SPAG17: variants seen among roughly 807,000 people sequenced by gnomAD.
SPAG17 encodes the protein sperm-associated antigen 17.
SPAG17 carries 169 observed loss-of-function variants against 273.6 expected under a neutral mutation model. The ratio of observed to expected loss-of-function variants is 0.62; its 90% CI spans 0.55 to 0.70. The LOEUF (loss-of-function observed/expected upper bound fraction) is 0.70. SPAG17 is among the 30% of genes least tolerant of loss of function. SPAG17 has a pLI of 0.00. For synonymous variants in SPAG17, 825 were observed against 873.2 expected, an observed-to-expected ratio of 0.94 and a Z score of 0.97; for missense variants, 2,557 against 2,627.8, an observed-to-expected ratio of 0.97 and a Z score of 0.59.
intron 4 of SPAG17, among the ~76,000 whole-genome samples, chr1:118,113,986 C>T (rs890236944): frequency 1.3e-5 from 2 of 152,122 alleles, no homozygotes; most frequent in Non-Finnish European, 2.9e-5. Context: ...AATTGACGCT[C>T]TTTAGCACAC....
intron 23 of SPAG17, among the ~76,000 whole-genome samples, chr1:118,038,154 T>C (rs1649305268): frequency 6.6e-6 from 1 of 152,114 alleles, no homozygotes; most frequent in Non-Finnish European, 1.5e-5. Flanking sequence ...AAGGAAGAGA[T>C]ACAAATGGCA....
At chr1:118,091,907 C>T (rs1421702181) in intron 9 of SPAG17, 23 bp downstream of exon 9, 16 of 1,612,734 alleles carry the variant, frequency 9.9e-6, no homozygotes, top group Non-Finnish European at 1.4e-5. Flanking sequence ...TGTTGATCCT[C>T]CAGCAGCCGA....
chr1:118,041,909 A>G lies in SPAG17; in HGVS notation c.2948T>C (p.Leu983Ser), dbSNP rs753377041. The part of the protein sequence containing the change: ...DNAEKEDSRS[L>S]KKKSPYKEKS... ...CTCCTTGTAAGGTGATTTTTTCTTCAAAGACCTACTATCCTCTTTCTCTGC... is the reference window on the plus strand; with the variant it reads ...CTCCTTGTAAGGTGATTTTTTCTTCGAAGACCTACTATCCTCTTTCTCTGC... Residue 983 changes from leucine to serine, a missense_variant, in exon 21 of 49, where the codon TTG becomes TCG. By Grantham distance (145) the Leu-to-Ser change is moderately radical. Transcript: ENST00000336338. 3.1e-6 allele frequency: 5 copies of G among 1,613,832 alleles called. No homozygotes were observed. In the East Asian group the frequency reaches 1.1e-4, roughly 36 times the overall value.
rs750399908 is a variant in SPAG17 at position 118,039,334 on chromosome 1, C to T, written c.3277G>A (p.Glu1093Lys). 6.2e-7 allele frequency: 1 copy of T among 1,613,484 alleles called. No homozygotes were observed. The highest frequency in any genetic ancestry group is 1.3e-5 in the African/African-American group (1 of 75,004). Residue 1093 changes from glutamate to lysine, a missense_variant, in exon 23 of 49, where the codon GAA (glutamate) becomes AAA (lysine). Coordinates refer to ENST00000336338, the MANE Select transcript of SPAG17 (RefSeq NM_206996.4). ...KKEEKGDYYLEEEEEGDEEQS... is the reference protein window; with the variant it reads ...KKEEKGDYYLKEEEEGDEEQS... ...TCCTCATCTCCTTCTTCTTCCTCTT[C>T]TAAATAATAATCCCCTTTCTCTTCC...
intron 1 of SPAG17, among the ~76,000 whole-genome samples, chr1:118,184,224 T>G (rs932262943): frequency 2.8e-4 from 43 of 152,212 alleles, no homozygotes; most frequent in Admixed American, 2.8e-3. Context: ...AAAATTTTTT[T>G]TCCCCACTTT....
At chr1:118,163,058 G>T (rs1156720349) in intron 1 of SPAG17, among the ~76,000 whole-genome samples, 1 of 152,150 alleles carries the variant, frequency 6.6e-6, no homozygotes, top group Non-Finnish European at 1.5e-5. Context: ...CATAGAATGG[G>T]GGTGAGGACA....
chr1:117,986,042 C>T (rs1656360873), intron 40 of SPAG17, among the ~76,000 whole-genome samples: 1 of 152,148 alleles, frequency 6.6e-6, no homozygotes, highest in Non-Finnish European at 1.5e-5. Flanking sequence ...GTAAATGTTA[C>T]TGAAGTGAAA....
At chr1:117,994,267 T>A in intron 35 of SPAG17, 139 bp downstream of exon 35, 1 of 850,564 alleles carries the variant, frequency 1.2e-6, no homozygotes. Context: ...TCTTCAAATA[T>A]AAAACTCCTT....
At chr1:118,013,223 A>T (rs1261124342) in intron 29 of SPAG17, among the ~76,000 whole-genome samples, 1 of 152,202 alleles carries the variant, frequency 6.6e-6, no homozygotes, top group Non-Finnish European at 1.5e-5. Context: ...TCTAACTCTA[A>T]GGAACATAAT....
At chr1:117,963,749 C>A in intron 48 of SPAG17, 50 bp downstream of exon 48, 1 of 1,556,258 alleles carries the variant, frequency 6.4e-7, no homozygotes, top group Non-Finnish European at 8.8e-7. Flanking sequence ...GGTCTAATAC[C>A]TCAAATTTGA....
rs1308299395 is a variant in SPAG17 at position 118,016,189 on chromosome 1, A to G, written c.4070-7T>C. ...TGACTTTTGTGACTTTTTCCTGTGA[A>G]GTTCAAGTAAAATCAAACAACAACA... is the stretch of plus-strand genomic sequence containing the variant. On this transcript the variant is annotated splice_region_variant and splice_polypyrimidine_tract_variant and intron_variant, in intron 28 of 48. Coordinates refer to ENST00000336338, the MANE Select transcript of SPAG17 (RefSeq NM_206996.4). The G allele has an allele frequency of 3.1e-6, 5 of 1,607,080 alleles. No homozygotes were observed. In the East Asian group the frequency reaches 8.9e-5, roughly 29 times the overall value.
intron 1 of SPAG17, among the ~76,000 whole-genome samples, chr1:118,183,659 C>T (rs60733781): frequency 0.035 from 5,361 of 152,104 alleles, 115 homozygotes; most frequent in African/African-American, 0.061. Flanking sequence ...ACAAATAGTG[C>T]CTTTAGGTTT....
chr1:117,955,420 C>A, intron 48 of SPAG17: 1 of 1,457,522 alleles, frequency 6.9e-7, no homozygotes, highest in Non-Finnish European at 9.6e-7. Flanking sequence ...AAGTGCTTAT[C>A]TGAACGGGAA....
intron 46 of SPAG17, among the ~76,000 whole-genome samples, chr1:117,968,667 TCGTGACAAGAAGCCAACTGA>T (rs1254545819): frequency 6.6e-6 from 1 of 152,164 alleles, no homozygotes; most frequent in African/African-American, 2.4e-5. Context: ...GATGGCATAG[TCGTGACAAGAAGCCAACTGA>T]CTTGGTGCTA....
intron 4 of SPAG17, among the ~76,000 whole-genome samples, chr1:118,106,572 GTTGGTAGACAGCTGGCCT>G (rs1239436061): frequency 6.6e-6 from 1 of 152,164 alleles, no homozygotes; most frequent in East Asian, 1.9e-4. Context: ...TGTGCAACAT[GTTGGTAGACAGCTGGCCT>G]TGCTACAGAA....
chr1:117,975,822 C>T (rs2101548721), intron 43 of SPAG17, among the ~76,000 whole-genome samples: 1 of 152,244 alleles, frequency 6.6e-6, no homozygotes, highest in African/African-American at 2.4e-5. Flanking sequence ...TGTTCATATC[C>T]TTGCCGTATG....
At chr1:118,023,535 G>A in intron 27 of SPAG17, 72 bp from the exon 28 acceptor site, 1 of 1,439,256 alleles carries the variant, frequency 6.9e-7, no homozygotes, top group Non-Finnish European at 9.4e-7. Flanking sequence ...AACGCTGTGT[G>A]TCAAATGGAA....
intron 3 of SPAG17, among the ~76,000 whole-genome samples, chr1:118,136,454 T>C (rs1340736288): frequency 6.6e-6 from 1 of 152,232 alleles, no homozygotes; most frequent in Non-Finnish European, 1.5e-5. Flanking sequence ...ATAACGAATA[T>C]AATGGGTTAA....
chr1:118,150,751 C>T, intron 2 of SPAG17, 122 bp from the exon 3 acceptor site: 2 of 558,066 alleles, frequency 3.6e-6, no homozygotes, highest in Non-Finnish European at 6.3e-6. Flanking sequence ...GAAAGAGGTA[C>T]CCATGAATTA....
Sources: allele counts gnomAD v4.1 joint callset (sites outside exome capture counted in the v4.1 genomes callset), GRCh38; gene constraint gnomAD v4.1.1; transcripts MANE v1.5; gene names NCBI Gene and HGNC (gene_info 2026-07-23, HGNC 2026-07-21).